Variants in BLTP1 observed in about 807,000 individuals in gnomAD.
BLTP1 encodes bridge-like lipid transfer protein family member 1.
At chr4:122,166,951 A>G in the BLTP1 span, among the ~76,000 whole-genome samples, 1 of 152,096 alleles carries the variant, frequency 6.6e-6, no homozygotes, top group African/African-American at 2.4e-5. Flanking sequence ...TCCTTTTGAC[A>G]TGTTCATATC....
the BLTP1 span, chr4:122,324,379 A>T: frequency 6.4e-7 from 1 of 1,559,136 alleles, no homozygotes; most frequent in Non-Finnish European, 8.7e-7. Flanking sequence ...AGTCAAATAC[A>T]GTAAATAATC....
At chr4:122,338,439 C>T in the BLTP1 span, among the ~76,000 whole-genome samples, 1 of 152,120 alleles carries the variant, frequency 6.6e-6, no homozygotes, top group South Asian at 2.1e-4. Context: ...TGTACCACTG[C>T]AGTCCAGCCT....
the BLTP1 span, chr4:122,343,687 T>A: frequency 6.7e-7 from 1 of 1,481,602 alleles, no homozygotes; most frequent in Non-Finnish European, 9.3e-7. Context: ...TCATAAATCA[T>A]AAGGACATAG....
the BLTP1 span, among the ~76,000 whole-genome samples, chr4:122,361,170 C>G: frequency 4.8e-4 from 73 of 152,282 alleles, no homozygotes; most frequent in East Asian, 3.1e-3. Flanking sequence ...CACCCCCAAC[C>G]CCCACCCTGA....
chr4:122,259,017 A>C, the BLTP1 span, among the ~76,000 whole-genome samples: 1 of 152,162 alleles, frequency 6.6e-6, no homozygotes, highest in Admixed American at 6.5e-5. Flanking sequence ...TTGTATCATC[A>C]GTAACTGCTG....
chr4:122,247,596 CTTCTATTTCCCATGT>C, the BLTP1 span: 1,170 of 1,179,050 alleles, frequency 9.9e-4, 7 homozygotes, highest in African/African-American at 0.015. Context: ...AAATTAGGAA[CTTCTATTTCCCATGT>C]TTCTATTTCC....
At chr4:122,173,189 A>G in the BLTP1 span, 1 of 1,595,156 alleles carries the variant, frequency 6.3e-7, no homozygotes, top group Non-Finnish European at 8.5e-7. Flanking sequence ...TTTCTTCCTT[A>G]TAATCTTGAG....
At chr4:122,342,351 T>A in the BLTP1 span, among the ~76,000 whole-genome samples, 2 of 151,258 alleles carry the variant, frequency 1.3e-5, no homozygotes, top group Non-Finnish European at 2.9e-5. Flanking sequence ...TATTTATTTA[T>A]TTATTTATTT....
chr4:122,354,042 G>T, the BLTP1 span: 1 of 1,600,930 alleles, frequency 6.2e-7, no homozygotes, highest in South Asian at 1.1e-5. Flanking sequence ...TCTTTGGAGA[G>T]ATTTATTTTG....
At chr4:122,277,817 T>C in the BLTP1 span, 1 of 761,440 alleles carries the variant, frequency 1.3e-6, no homozygotes, top group African/African-American at 1.9e-5. Context: ...GAATATTTTT[T>C]CTTTTCATAT....
the BLTP1 span, among the ~76,000 whole-genome samples, chr4:122,297,141 G>T: frequency 5.3e-5 from 8 of 152,002 alleles, no homozygotes; most frequent in East Asian, 1.5e-3. Flanking sequence ...CAGACAGAAT[G>T]GGGAAAATTT....
the BLTP1 span, chr4:122,246,364 T>G: frequency 7.5e-7 from 1 of 1,337,140 alleles, no homozygotes; most frequent in Non-Finnish European, 1.0e-6. Flanking sequence ...GTTTGTCCTT[T>G]TCAGTTACCA....
At chr4:122,360,695 AG>A in the BLTP1 span, among the ~76,000 whole-genome samples, 2 of 152,364 alleles carry the variant, frequency 1.3e-5, no homozygotes, top group Middle Eastern at 6.8e-3. Context: ...TAACTAAATA[AG>A]CAAAACACTT....
At chr4:122,275,484 A>G in the BLTP1 span, among the ~76,000 whole-genome samples, 4 of 152,260 alleles carry the variant, frequency 2.6e-5, no homozygotes, top group Admixed American at 2.0e-4. Context: ...TTGAAGTACC[A>G]TGGGTACGTT....
chr4:122,222,564 A>G, the BLTP1 span, among the ~76,000 whole-genome samples: 1 of 152,148 alleles, frequency 6.6e-6, no homozygotes. Context: ...GCAGGGTCAC[A>G]TTCTGTCTGA....
chr4:122,219,584 G>C, the BLTP1 span: 1,573,890 of 1,583,162 alleles, frequency 0.99, 782,815 homozygotes, highest in East Asian at 1. Context: ...GTTTACACAT[G>C]AAAGTAGTCT....
At chr4:122,294,588 C>T in the BLTP1 span, among the ~76,000 whole-genome samples, 1 of 152,038 alleles carries the variant, frequency 6.6e-6, no homozygotes, top group Non-Finnish European at 1.5e-5. Flanking sequence ...CCAAAAAGCC[C>T]CACAACAACC....
At chr4:122,154,308 T>G in the BLTP1 span, 1 of 984,254 alleles carries the variant, frequency 1.0e-6, no homozygotes, top group Non-Finnish European at 1.2e-6. Flanking sequence ...CCCAAGTAGC[T>G]GGGTCTTCTG....
At chr4:122,247,095 A>G in the BLTP1 span, 2 of 1,513,726 alleles carry the variant, frequency 1.3e-6, no homozygotes, top group Non-Finnish European at 1.8e-6. Context: ...CTTTTAGGTA[A>G]ATGTTTTCTC....
Sources: allele counts gnomAD v4.1 joint callset (sites outside exome capture counted in the v4.1 genomes callset), GRCh38; gene constraint gnomAD v4.1.1; transcripts MANE v1.5; gene names NCBI Gene and HGNC (gene_info 2026-07-23, HGNC 2026-07-21).